SCARA5: variants seen among roughly 807,000 people sequenced by gnomAD.
The protein encoded by SCARA5 is scavenger receptor class A member 5.
In SCARA5, 45 loss-of-function variants were observed where a neutral mutation model predicts 46.3. The observed-to-expected ratio is 0.97, with a 90% CI of 0.76 to 1.24. The LOEUF (loss-of-function observed/expected upper bound fraction) is 1.24. Ranked by LOEUF, SCARA5 falls within the 50% of genes most tolerant of loss-of-function variation. SCARA5 has a pLI of 0.00. For missense variants in SCARA5, 680 were observed against 689.0 expected (o/e 0.99, Z 0.15); for synonymous variants, 333 against 306.5 (o/e 1.09, Z -0.90).
At chr8:27,928,932 G>C (rs560693170) in intron 3 of SCARA5, among the ~76,000 whole-genome samples, 13 of 152,028 alleles carry the variant, frequency 8.6e-5, no homozygotes, top group African/African-American at 3.1e-4. Context: ...GATTACAGGC[G>C]TGAGCCACCA....
intron 2 of SCARA5, among the ~76,000 whole-genome samples, chr8:27,969,382 T>G (rs1235550162): frequency 6.6e-6 from 1 of 152,206 alleles, no homozygotes; most frequent in Non-Finnish European, 1.5e-5. Flanking sequence ...GTAATTAACT[T>G]GGTAAAATAA....
At chr8:27,914,666 C>T (rs1807432320) in intron 4 of SCARA5, among the ~76,000 whole-genome samples, 1 of 152,186 alleles carries the variant, frequency 6.6e-6, no homozygotes, top group Non-Finnish European at 1.5e-5. Context: ...CTTTCTACAC[C>T]ATCTCATTTC....
intron 3 of SCARA5, among the ~76,000 whole-genome samples, chr8:27,925,936 A>C (rs1333459372): frequency 2.0e-5 from 3 of 152,238 alleles, no homozygotes; most frequent in Non-Finnish European, 4.4e-5. Context: ...AATCATTAAA[A>C]AGTCAGGAAA....
intron 2 of SCARA5, among the ~76,000 whole-genome samples, chr8:27,984,067 C>G (rs1266818848): frequency 6.6e-6 from 1 of 152,096 alleles, no homozygotes; most frequent in African/African-American, 2.4e-5. Context: ...GCTGGCTCTC[C>G]CTTCCTTTCC....
intron 7 of SCARA5, among the ~76,000 whole-genome samples, chr8:27,901,221 T>C (rs554331525): frequency 6.6e-6 from 1 of 152,276 alleles, no homozygotes; most frequent in South Asian, 2.1e-4. Context: ...TCGGTCATGT[T>C]TTCTCACCAG....
intron 7 of SCARA5, among the ~76,000 whole-genome samples, chr8:27,893,031 C>G (rs1038235504): frequency 2.0e-5 from 3 of 152,142 alleles, no homozygotes; most frequent in African/African-American, 7.2e-5. Flanking sequence ...GGCAGTCCTC[C>G]CAGCAGCGTG....
intron 8 of SCARA5, among the ~76,000 whole-genome samples, chr8:27,876,946 C>T (rs1806734429): frequency 6.6e-6 from 1 of 152,106 alleles, no homozygotes; most frequent in South Asian, 2.1e-4. Flanking sequence ...GCTCTGCCTG[C>T]CGCCAGGAAT....
At chr8:27,944,043 A>G (rs1489656627) in intron 3 of SCARA5, among the ~76,000 whole-genome samples, 1 of 152,252 alleles carries the variant, frequency 6.6e-6, no homozygotes, top group East Asian at 1.9e-4. Context: ...AACCTACGTC[A>G]ATCATGGGAA....
chr8:27,946,264 A>T (rs961008652), intron 3 of SCARA5, among the ~76,000 whole-genome samples: 5 of 152,244 alleles, frequency 3.3e-5, no homozygotes, highest in Non-Finnish European at 7.3e-5. Context: ...ACGCTATCAC[A>T]GGAAGCAAGC....
At chr8:27,904,755 C>G (rs759286010) in intron 7 of SCARA5, 23 bp downstream of exon 7, 3 of 1,607,240 alleles carry the variant, frequency 1.9e-6, no homozygotes, top group Admixed American at 1.7e-5. Flanking sequence ...CCATATCCCA[C>G]GGCCCCAGCA....
intron 3 of SCARA5, among the ~76,000 whole-genome samples, chr8:27,933,942 C>T (rs887659393): frequency 3.9e-5 from 6 of 152,040 alleles, no homozygotes; most frequent in Admixed American, 2.0e-4. Context: ...GGTATGCATA[C>T]GGATGGAGCT....
intron 3 of SCARA5, among the ~76,000 whole-genome samples, chr8:27,948,911 C>A (rs184760454): frequency 6.6e-6 from 1 of 152,222 alleles, no homozygotes; most frequent in Non-Finnish European, 1.5e-5. Context: ...TTGTGTATAT[C>A]GATGTGCATA....
At chr8:27,916,970 G>A (rs769963082) in intron 4 of SCARA5, among the ~76,000 whole-genome samples, 1 of 152,224 alleles carries the variant, frequency 6.6e-6, no homozygotes. Context: ...CTTACAAAGA[G>A]GACTCCAGGG....
chr8:27,976,112 C>T (rs1808520273), intron 2 of SCARA5, among the ~76,000 whole-genome samples: 1 of 151,814 alleles, frequency 6.6e-6, no homozygotes, highest in African/African-American at 2.4e-5. Flanking sequence ...CGTCTTCTTC[C>T]GCAGCCGGGG....
Position 27,971,271 on chromosome 8 carries a change from G to A in SCARA5, c.113-4729C>T, listed in dbSNP as rs553126874. Among the ~76,000 whole-genome samples the A allele has an allele frequency of 2.6e-5, 4 of 152,350 alleles. No homozygotes were observed. In the South Asian group the frequency reaches 6.2e-4, roughly 24 times the overall value. On this transcript the variant is annotated intron_variant, in intron 2 of 8. Transcript: ENST00000354914. Reference sequence around the variant, plus strand: ...GCAAAGTGCTCCCTGCACAGGTGGCGATGCACTCGGTGCCAGAGGTAGTCA... The same window carrying A: ...GCAAAGTGCTCCCTGCACAGGTGGCAATGCACTCGGTGCCAGAGGTAGTCA...
intron 4 of SCARA5, among the ~76,000 whole-genome samples, chr8:27,919,855 C>G (rs1310449132): frequency 4.7e-5 from 7 of 149,838 alleles, no homozygotes; most frequent in African/African-American, 1.7e-4. Flanking sequence ...TCAAAAGATG[C>G]CCACATGAGA....
At chr8:27,987,898 C>T (rs2129988425) in intron 1 of SCARA5, among the ~76,000 whole-genome samples, 1 of 152,274 alleles carries the variant, frequency 6.6e-6, no homozygotes, top group Non-Finnish European at 1.5e-5. Flanking sequence ...GTGTCCATTC[C>T]TTTCAACAAC....
chr8:27,975,809 G>A (rs573970631), intron 2 of SCARA5, among the ~76,000 whole-genome samples: 17 of 152,250 alleles, frequency 1.1e-4, no homozygotes, highest in African/African-American at 3.9e-4. Context: ...AGGGCACCCG[G>A]GGTAGGAGCC....
chr8:27,877,118 G>T (rs1806737534), intron 8 of SCARA5, among the ~76,000 whole-genome samples: 1 of 152,178 alleles, frequency 6.6e-6, no homozygotes, highest in Admixed American at 6.5e-5. Flanking sequence ...TAGGTGCCTG[G>T]AAACTGCTTG....
Sources: allele counts gnomAD v4.1 joint callset (sites outside exome capture counted in the v4.1 genomes callset), GRCh38; gene constraint gnomAD v4.1.1; transcripts MANE v1.5; gene names NCBI Gene and HGNC (gene_info 2026-07-23, HGNC 2026-07-21).